Variants in SCN8A observed in about 807,000 individuals in gnomAD.
The protein encoded by SCN8A is sodium voltage-gated channel alpha subunit 8, also known as sodium channel protein type 8 subunit alpha.
A neutral mutation model predicts 184.1 loss-of-function variants in SCN8A; 30 were observed. That is an observed-to-expected ratio of 0.16 (90% CI 0.12 to 0.22). The LOEUF is 0.22. Ranked by LOEUF, SCN8A falls within the 10% of genes least tolerant of loss-of-function variation. The probability of loss-of-function intolerance (pLI) is 1.00; values close to 1 mark genes in which losing one functional copy is unlikely to be tolerated. For missense variants in SCN8A, 1,057 were observed against 2,498.9 expected, an observed-to-expected ratio of 0.42 and a Z score of 12.30; for synonymous variants, 852 against 907.0, an observed-to-expected ratio of 0.94 and a Z score of 1.09.
intron 19 of SCN8A, 39 bp from the exon 20 acceptor site, chr12:51,774,150 T>C (rs1942972191): frequency 6.2e-7 from 1 of 1,606,408 alleles, no homozygotes; most frequent in South Asian, 1.1e-5. Flanking sequence ...CCTGCTTGCC[T>C]TTAGGCACTG....
At chr12:51,638,488 CTTT>C (rs764486546) in intron 1 of SCN8A, among the ~76,000 whole-genome samples, 10 of 139,588 alleles carry the variant, frequency 7.2e-5, no homozygotes, top group Admixed American at 7.2e-5. Flanking sequence ...GGAGTTATTC[CTTT>C]TTTTTTTTTT....
intron 1 of SCN8A, among the ~76,000 whole-genome samples, chr12:51,600,711 TGA>T (rs1428434400): frequency 1.3e-5 from 2 of 152,034 alleles, no homozygotes; most frequent in Admixed American, 6.6e-5. Flanking sequence ...GATCATTGAA[TGA>T]GAAAAAATAA....
At chr12:51,648,432 C>G (rs1940639446) in intron 1 of SCN8A, among the ~76,000 whole-genome samples, 1 of 152,180 alleles carries the variant, frequency 6.6e-6, no homozygotes, top group Admixed American at 6.5e-5. Context: ...GCCACTTTCT[C>G]TATTCTTGAA....
rs188426649 is a variant in SCN8A, at chr12:51,596,413, A to G, written c.-55+5054A>G. ...AAGGAAGTTGTCCAAGCTAAGGACT[A>G]TCTAACTGGTGTAGTGGAGACTGGT... On this transcript the variant is annotated intron_variant, in intron 1 of 26. Transcript: ENST00000627620. 3.3e-4 allele frequency among the ~76,000 whole-genome samples: 51 copies of G among 152,334 alleles called. No homozygotes were observed. In the East Asian group the frequency reaches 6.2e-3, roughly 18 times the overall value.
In SCN8A at chr12:51,699,667, C is replaced by T. The variant is rs375241678; in HGVS notation, c.804C>T (p.Ile268=). The change falls in exon 7 of 27, where the codon ATC becomes ATT. Residue 268 remains isoleucine, a synonymous_variant. Transcript: ENST00000627620. ...TCTGCCTGAGTGTTTTTGCCTTGATCGGACTGCAGCTGTTCATGGGGAACC... is the reference window on the plus strand; with the variant it reads ...TCTGCCTGAGTGTTTTTGCCTTGATTGGACTGCAGCTGTTCATGGGGAACC... ...TVFCLSVFAL[I]GLQLFMGNLR... 50 of 1,613,888 alleles carry T rather than the reference C, an allele frequency of 3.1e-5. No individual in the cohort carries two copies. The African/African-American group carries it at 3.6e-4, about 12-fold the overall frequency.
intron 16 of SCN8A, among the ~76,000 whole-genome samples, chr12:51,766,935 A>G (rs925212904): frequency 6.6e-6 from 1 of 152,160 alleles, no homozygotes; most frequent in Admixed American, 6.5e-5. Context: ...AGAGGACTGG[A>G]AGAAGACAAG....
At chr12:51,678,253 T>C (rs1341889943) in intron 2 of SCN8A, among the ~76,000 whole-genome samples, 1 of 152,292 alleles carries the variant, frequency 6.6e-6, no homozygotes, top group South Asian at 2.1e-4. Context: ...GGGAAAAGCA[T>C]TGTGTGACGC....
chr12:51,752,674 C>T (rs1004444054), intron 14 of SCN8A, among the ~76,000 whole-genome samples: 1 of 152,060 alleles, frequency 6.6e-6, no homozygotes. Context: ...GTGGAATGCC[C>T]GGAGTCTTGA....
intron 17 of SCN8A, 124 bp from the exon 18 acceptor site, chr12:51,769,744 T>A: frequency 1.4e-6 from 1 of 698,316 alleles, no homozygotes; most frequent in South Asian, 1.6e-5. Context: ...TATCGCGAGT[T>A]GTAGTAAGAA....
chr12:51,761,443 CTATTTATT>C (rs147096948), intron 14 of SCN8A, among the ~76,000 whole-genome samples: 34 of 149,970 alleles, frequency 2.3e-4, no homozygotes, highest in East Asian at 9.7e-4. Context: ...ATTTTATTCA[CTATTTATT>C]TATTTATTTA....
At chr12:51,640,260 G>A (rs1379685991) in intron 1 of SCN8A, among the ~76,000 whole-genome samples, 1 of 100,278 alleles carries the variant, frequency 1.0e-5, no homozygotes, top group African/African-American at 4.0e-5. Flanking sequence ...TTTTAAGACA[G>A]TGCTTTCCTA....
chr12:51,601,360 T>C (rs866405953), intron 1 of SCN8A, among the ~76,000 whole-genome samples: 89 of 152,216 alleles, frequency 5.8e-4, no homozygotes, highest in African/African-American at 2.0e-3. Flanking sequence ...TTTTACTAAG[T>C]GCACAGACTG....
At chr12:51,608,136 T>A (rs1939638628) in intron 1 of SCN8A, among the ~76,000 whole-genome samples, 1 of 150,718 alleles carries the variant, frequency 6.6e-6, no homozygotes, top group Non-Finnish European at 1.5e-5. Flanking sequence ...TTCTCCTGCC[T>A]CAGCCTCCTG....
At chr12:51,686,954 C>T (rs1007660132) in intron 4 of SCN8A, 137 bp from the exon 5 acceptor site, 93 of 792,308 alleles carry the variant, frequency 1.2e-4, no homozygotes, top group Admixed American at 7.8e-5. Context: ...CTCCTCACTT[C>T]CTTCCTGCTG....
intron 26 of SCN8A, among the ~76,000 whole-genome samples, chr12:51,803,196 A>G (rs997842492): frequency 2.6e-5 from 4 of 152,156 alleles, no homozygotes; most frequent in African/African-American, 7.2e-5. Flanking sequence ...GAGCCCCTGT[A>G]AAACCACTGC....
chr12:51,772,160 C>T (rs934503488), intron 19 of SCN8A, among the ~76,000 whole-genome samples: 3 of 150,148 alleles, frequency 2.0e-5, no homozygotes, highest in Admixed American at 2.0e-4. Context: ...CTGTGGGAGG[C>T]CAAGACGTGC....
At chr12:51,781,314 G>T (rs1205283249) in intron 21 of SCN8A, among the ~76,000 whole-genome samples, 2 of 152,138 alleles carry the variant, frequency 1.3e-5, no homozygotes, top group Non-Finnish European at 2.9e-5. Flanking sequence ...TTTCTATTCA[G>T]ATTCCTCTTA....
chr12:51,686,775 T>C (rs1941427272), intron 4 of SCN8A, among the ~76,000 whole-genome samples: 1 of 152,136 alleles, frequency 6.6e-6, no homozygotes, highest in Non-Finnish European at 1.5e-5. Flanking sequence ...TTTTGACTTC[T>C]CTAAGGTTAA....
chr12:51,746,165 C>A, intron 13 of SCN8A, 130 bp downstream of exon 13: 1 of 814,088 alleles, frequency 1.2e-6, no homozygotes, highest in Non-Finnish European at 1.8e-6. Flanking sequence ...GAACGTATTC[C>A]TATATAGAAA....
Sources: allele counts gnomAD v4.1 joint callset (sites outside exome capture counted in the v4.1 genomes callset), GRCh38; gene constraint gnomAD v4.1.1; transcripts MANE v1.5; gene names NCBI Gene and HGNC (gene_info 2026-07-23, HGNC 2026-07-21).